The following ZMYM2 variants were observed in gnomAD, a reference collection of about 807,000 sequenced individuals.
ZMYM2 encodes the protein zinc finger MYM-type containing 2.
In ZMYM2, 56 loss-of-function variants were observed where a neutral mutation model predicts 162.8. The ratio of observed to expected loss-of-function variants is 0.34; its 90% confidence interval spans 0.28 to 0.43. The LOEUF is 0.43. Among genes scored for constraint, ZMYM2 ranks in the 20% least tolerant of loss-of-function variants. The probability of loss-of-function intolerance (pLI) is 1.00; values close to 1 mark genes in which losing one functional copy is unlikely to be tolerated. For missense variants in ZMYM2, 1,275 were observed against 1,621.8 expected (o/e 0.79, Z 3.67); for synonymous variants, 510 against 541.6 (o/e 0.94, Z 0.81).
chr13:19,958,419 G>C (rs1566145919), upstream of ZMYM2, among the ~76,000 whole-genome samples: 2 of 152,074 alleles, frequency 1.3e-5, no homozygotes, highest in African/African-American at 4.8e-5. Flanking sequence ...GTTCGGTACG[G>C]CGGGCAGCGA....
At chr13:20,056,718 C>CT (rs1418086751) in intron 14 of ZMYM2, among the ~76,000 whole-genome samples, 1 of 152,130 alleles carries the variant, frequency 6.6e-6, no homozygotes. Context: ...TAATGTGCAT[C>CT]ACACAGCAAA....
chr13:19,870,755 T>C, the ZMYM2 span, among the ~76,000 whole-genome samples: 2 of 151,952 alleles, frequency 1.3e-5, no homozygotes, highest in Admixed American at 6.6e-5. Context: ...GCCTCCCTAG[T>C]AGCTGGGATT....
At chr13:19,882,393 G>A in the ZMYM2 span, among the ~76,000 whole-genome samples, 1 of 152,042 alleles carries the variant, frequency 6.6e-6, no homozygotes, top group Non-Finnish European at 1.5e-5. Flanking sequence ...CCAAAACATG[G>A]CCAACTAGCA....
At chr13:20,014,811 G>A (rs1247494844) in intron 6 of ZMYM2, among the ~76,000 whole-genome samples, 1 of 143,908 alleles carries the variant, frequency 6.9e-6, no homozygotes, top group African/African-American at 2.6e-5. Flanking sequence ...TATTGCCCAG[G>A]CTGGAACGCA....
intron 6 of ZMYM2, among the ~76,000 whole-genome samples, chr13:20,011,883 G>A (rs1330943237): frequency 6.6e-6 from 1 of 151,918 alleles, no homozygotes; most frequent in Non-Finnish European, 1.5e-5. Flanking sequence ...CGAGTAGCTG[G>A]GATTACAGGC....
chr13:20,019,080 CAAAA>C (rs373936842), intron 6 of ZMYM2, among the ~76,000 whole-genome samples: 1 of 127,330 alleles, frequency 7.9e-6, no homozygotes, highest in South Asian at 2.6e-4. Flanking sequence ...AACTCCATCT[CAAAA>C]AAAAAAAAAC....
At chr13:19,934,966 C>T in the ZMYM2 span, among the ~76,000 whole-genome samples, 2 of 152,014 alleles carry the variant, frequency 1.3e-5, no homozygotes, top group East Asian at 3.9e-4. Context: ...GAGGTTTCAC[C>T]ATGTTGGCCA....
rs756005409 is a variant in ZMYM2 at position 19,987,620 on chromosome 13, CGTGTGTGTGTGT to C, written c.-10-5416_-10-5405del. Among the ~76,000 whole-genome samples, 77 of 121,356 alleles carry C rather than the reference CGTGTGTGTGTGT, an allele frequency of 6.3e-4. No individual in the cohort carries two copies. The South Asian group carries it at 7.7e-3, about 12-fold the overall frequency. The allele number at this position is 121,356 out of a possible 152,430, so 79.6% of individuals were successfully genotyped here. On this transcript the variant is annotated intron_variant, in intron 2 of 24. Transcript: ENST00000610343. ...GTGTATAGGAAAGATGGGGTTTTGT[CGTGTGTGTGTGT>C]GTGTGTGTGTGTGTGTGTGTGTGTG...
At chr13:19,884,054 G>A in the ZMYM2 span, among the ~76,000 whole-genome samples, 2 of 152,124 alleles carry the variant, frequency 1.3e-5, no homozygotes, top group African/African-American at 2.4e-5. Context: ...CCCCGGGCGT[G>A]GCCTATATAT....
the ZMYM2 span, among the ~76,000 whole-genome samples, chr13:19,906,730 T>C: frequency 1.1e-4 from 17 of 151,912 alleles, no homozygotes; most frequent in African/African-American, 3.9e-4. Flanking sequence ...TAGCTAATTT[T>C]TAAATTTTTT....
the ZMYM2 span, among the ~76,000 whole-genome samples, chr13:19,913,503 T>A: frequency 6.6e-6 from 1 of 152,014 alleles, no homozygotes; most frequent in Non-Finnish European, 1.5e-5. Flanking sequence ...GGTGGGCGGA[T>A]CACTTGAGGC....
chr13:20,052,688 T>C (rs1190015094), intron 14 of ZMYM2, among the ~76,000 whole-genome samples: 1 of 152,226 alleles, frequency 6.6e-6, no homozygotes, highest in Admixed American at 6.5e-5. Flanking sequence ...GTATTTGTTC[T>C]GAAAGATACG....
rs2140591053 is a variant in ZMYM2, at chr13:20,052,199, A to C, written c.2459-78A>C. On this transcript the variant is annotated intron_variant, in intron 13 of 24. Coordinates refer to ENST00000610343, the MANE Select transcript of ZMYM2 (RefSeq NM_197968.4). ...TTTAGTCACATTTTAAATTGGTGAAATTTAATGAGAAATAGGGATTTAGAA... is the reference window on the plus strand; with the variant it reads ...TTTAGTCACATTTTAAATTGGTGAACTTTAATGAGAAATAGGGATTTAGAA... 3.2e-6 allele frequency: 4 copies of C among 1,236,200 alleles called. 1 individual carries two copies. In the South Asian group the frequency reaches 6.2e-5, roughly 19 times the overall value. The allele number at this position is 1,236,200 out of a possible 1,614,324, so 76.6% of individuals were successfully genotyped here.
the ZMYM2 span, among the ~76,000 whole-genome samples, chr13:19,931,379 C>T: frequency 6.6e-5 from 10 of 151,956 alleles, no homozygotes; most frequent in Non-Finnish European, 2.9e-5. Flanking sequence ...GAGTTTATCT[C>T]GCATCTAACA....
chr13:19,986,731 T>C (rs1949176752), intron 2 of ZMYM2, among the ~76,000 whole-genome samples: 1 of 152,128 alleles, frequency 6.6e-6, no homozygotes, highest in African/African-American at 2.4e-5. Context: ...TAATGGTTAT[T>C]ATGGACCAAA....
the ZMYM2 span, among the ~76,000 whole-genome samples, chr13:19,941,721 T>TA: frequency 1.7e-3 from 6 of 3,500 alleles, no homozygotes; most frequent in African/African-American, 3.9e-3. Flanking sequence ...GGCTTTCTGC[T>TA]TTTTTTTTTT....
chr13:19,897,058 G>A, the ZMYM2 span, among the ~76,000 whole-genome samples: 3 of 145,082 alleles, frequency 2.1e-5, no homozygotes, highest in African/African-American at 7.9e-5. Flanking sequence ...GGGCAACAGA[G>A]AGAGACTCTG....
At chr13:20,085,148 T>TA (rs1958173929) in intron 24 of ZMYM2, among the ~76,000 whole-genome samples, 1 of 152,226 alleles carries the variant, frequency 6.6e-6, no homozygotes, top group South Asian at 2.1e-4. Flanking sequence ...ACCTGTGTGT[T>TA]ATGTGCCTGT....
chr13:19,953,682 C>CAA (rs35266783), upstream of ZMYM2, among the ~76,000 whole-genome samples: 22,636 of 74,306 alleles, frequency 0.3, 4,425 homozygotes, highest in East Asian at 0.39. Flanking sequence ...GACTCTGTCT[C>CAA]AAAAAAAAAA....
Sources: allele counts gnomAD v4.1 joint callset (sites outside exome capture counted in the v4.1 genomes callset), GRCh38; gene constraint gnomAD v4.1.1; transcripts MANE v1.5; gene names NCBI Gene and HGNC (gene_info 2026-07-23, HGNC 2026-07-21).